Variants in AXL observed in about 807,000 individuals in gnomAD.
The protein encoded by AXL is tyrosine-protein kinase receptor UFO.
A neutral mutation model predicts 104.5 loss-of-function variants in AXL; 52 were observed. The ratio of observed to expected loss-of-function variants is 0.50; its 90% CI spans 0.40 to 0.63. The LOEUF is 0.63. AXL is among the 20% of genes least tolerant of loss of function. AXL has a pLI of 0.00. For missense variants in AXL, 1,024 were observed against 1,188.5 expected, an observed-to-expected ratio of 0.86 and a Z score of 2.04; for synonymous variants, 455 against 473.7, an observed-to-expected ratio of 0.96 and a Z score of 0.51.
rs143071942 is a variant in AXL, at chr19:41,220,762, G to A, written c.212G>A (p.Arg71Gln). 32 of 1,614,006 alleles carry A rather than the reference G, an allele frequency of 2.0e-5. No homozygotes were observed. The highest frequency in any genetic ancestry group is 1.6e-4 in the Middle Eastern group (1 of 6,084). ...QGEPPEVHWLRDGQILELADS... is the reference protein window; with the variant it reads ...QGEPPEVHWLQDGQILELADS... ...GAGCCCCCCGAGGTACATTGGCTTCGGGATGGACAGATCCTGGAGCTCGCG... is the reference window on the plus strand; with the variant it reads ...GAGCCCCCCGAGGTACATTGGCTTCAGGATGGACAGATCCTGGAGCTCGCG... Residue 71 changes from arginine (R) to glutamine (Q), a missense_variant, in exon 2 of 20, where the codon CGG becomes CAG. Physicochemically the swap from Arg to Gln is conservative, Grantham distance 43. Coordinates refer to ENST00000301178, the MANE Select transcript of AXL (RefSeq NM_021913.5).
chr19:41,253,594 C>T lies in AXL; in HGVS notation c.1927-5C>T, dbSNP rs2034402732. 8 of 1,611,298 alleles carry T rather than the reference C, an allele frequency of 5.0e-6. No individual in the cohort carries two copies. In the East Asian group the frequency reaches 1.6e-4, roughly 31 times the overall value. On this transcript the variant is annotated splice_region_variant and splice_polypyrimidine_tract_variant and intron_variant, in intron 16 of 19. Coordinates refer to ENST00000301178, the MANE Select transcript of AXL (RefSeq NM_021913.5). The stretch of plus-strand genomic sequence containing the variant: ...CCTCTCCTCCCACCTGCCTTGGCTC[C>T]CCAGTACCTGCCCACTCAGATGCTA...
At position 41,259,786 on chromosome 19, in the gene AXL, C is replaced by T; in HGVS notation, c.2567C>T (p.Thr856Ile). The change falls in exon 20 of 20, where the codon ACT (threonine) becomes ATT (isoleucine). Residue 856 changes from threonine (T) to isoleucine (I), a missense_variant. Thr to Ile is a moderately conservative substitution (Grantham distance 89). This residue lies in a region of AXL where 523 missense variants were observed against 636.0 expected (regional missense o/e 0.82). Transcript: ENST00000301178. ...CCTAAGGATTCCTGTAGCTGCCTCACTGCGGCTGAGGTCCATCCTGCTGGA... is the reference window on the plus strand; with the variant it reads ...CCTAAGGATTCCTGTAGCTGCCTCATTGCGGCTGAGGTCCATCCTGCTGGA... Reference protein sequence around the residue: ...PDPKDSCSCLTAAEVHPAGRY... With the variant: ...PDPKDSCSCLIAAEVHPAGRY... 1 of 1,614,144 alleles carries T rather than the reference C, an allele frequency of 6.2e-7. No individual in the cohort carries two copies. Among genetic ancestry groups the T allele is most frequent in the South Asian group, 1.1e-5 (1 of 91,078 alleles).
chr19:41,249,229 A>C (rs2034321037), intron 14 of AXL, among the ~76,000 whole-genome samples: 1 of 151,684 alleles, frequency 6.6e-6, no homozygotes, highest in South Asian at 2.1e-4. Context: ...GCTTGAGTCC[A>C]GGAGTTTGAG....
In AXL at chr19:41,244,932, C is replaced by A. The variant is rs562486353; in HGVS notation, c.1537+1225C>A. 2.2e-5 allele frequency among the ~76,000 whole-genome samples: 3 copies of A among 134,260 alleles called. No homozygotes were observed. The East Asian group carries it at 6.5e-4, about 29-fold the overall frequency. 88.1% of individuals were successfully genotyped at this position (134,260 alleles called of 152,430 possible). On this transcript the variant is annotated intron_variant, in intron 12 of 19. Coordinates refer to ENST00000301178, the MANE Select transcript of AXL (RefSeq NM_021913.5). ...AGGTACTTTTGCTCTGAAGTCTATA[C>A]TATTTTTTTTTTTTTTTTGATAGAA...
chr19:41,253,452 G>A, intron 16 of AXL, 147 bp from the exon 17 acceptor site: 1 of 650,508 alleles, frequency 1.5e-6, no homozygotes, highest in Non-Finnish European at 2.8e-6. Flanking sequence ...ATAGGACCTT[G>A]CAGGCCATGG....
intron 18 of AXL, 71 bp downstream of exon 18, chr19:41,256,682 G>C: frequency 6.3e-7 from 1 of 1,580,174 alleles, no homozygotes; most frequent in Non-Finnish European, 8.7e-7. Context: ...CTATGCCTGG[G>C]TGGCTGTGGA....
intron 4 of AXL, among the ~76,000 whole-genome samples, chr19:41,222,814 G>A (rs1245861505): frequency 1.3e-5 from 2 of 151,834 alleles, no homozygotes; most frequent in African/African-American, 4.8e-5. Flanking sequence ...GCTGAGGCAG[G>A]AGAATGGCAG....
At chr19:41,229,268 T>G (rs2033935709) in intron 4 of AXL, among the ~76,000 whole-genome samples, 1 of 151,778 alleles carries the variant, frequency 6.6e-6, no homozygotes, top group African/African-American at 2.4e-5. Context: ...CATTTTATTA[T>G]TTTTAGTTTT....
intron 5 of AXL, 41 bp from the exon 6 acceptor site, chr19:41,231,142 G>T: frequency 6.2e-7 from 1 of 1,609,470 alleles, no homozygotes; most frequent in Non-Finnish European, 8.5e-7. Context: ...GGAGCTTTGA[G>T]CAAAGGCTCC....
intron 4 of AXL, among the ~76,000 whole-genome samples, chr19:41,225,095 C>T (rs992854913): frequency 1.3e-5 from 2 of 152,190 alleles, no homozygotes; most frequent in African/African-American, 2.4e-5. Context: ...CTTCCGCCTC[C>T]GGGGTTCAAG....
Position 41,253,671 on chromosome 19 carries a change from A to G in AXL, c.1999A>G (p.Arg667Gly). The change falls in exon 17 of 20, where the codon AGA becomes GGA. Residue 667 changes from arginine (R) to glycine (G), a missense_variant. Around this residue, in one of 5 missense-constraint regions of AXL, gnomAD observed 523 missense variants for 636.0 expected, o/e 0.82. Coordinates refer to ENST00000301178, the MANE Select transcript of AXL (RefSeq NM_021913.5). Reference sequence around the variant, plus strand: ...TGGCATGGAGTATCTGAGTACCAAGAGATTCATACACCGGGACCTGGCGGC... The same window carrying G: ...TGGCATGGAGTATCTGAGTACCAAGGGATTCATACACCGGGACCTGGCGGC... ...ASGMEYLSTK[R>G]FIHRDLAARN... is the part of the protein sequence containing the mutation. 6.2e-7 allele frequency: 1 copy of G among 1,612,808 alleles called. No individual in the cohort carries two copies. Among genetic ancestry groups the G allele is most frequent in the Non-Finnish European group, 8.5e-7 (1 of 1,179,744 alleles).
intron 6 of AXL, among the ~76,000 whole-genome samples, chr19:41,236,656 A>T (rs1403488819): frequency 5.3e-5 from 8 of 151,906 alleles, no homozygotes. Flanking sequence ...TGGTACGCGT[A>T]GTCCCAGCTA....
intron 12 of AXL, among the ~76,000 whole-genome samples, chr19:41,247,895 T>TTTTTA (rs145835287): frequency 0.014 from 2,086 of 146,002 alleles, 37 homozygotes; most frequent in African/African-American, 0.035. Context: ...AAAAGAAATA[T>TTTTTA]TTTTATTTTA....
Position 41,261,521 on chromosome 19 carries a change from G to T in AXL, c.*1617G>T, listed in dbSNP as rs2034542662. ...TTCAAGGTTCTAACCCTATACTGTA[G>T]TATTCTTTGGGGTGCCCCTCTCCTT... On this transcript the variant is annotated 3_prime_UTR_variant, in exon 20 of 20. Coordinates refer to ENST00000301178, the MANE Select transcript of AXL (RefSeq NM_021913.5). The T allele has an allele frequency of 6.6e-6, 1 of 152,494 alleles. No homozygotes were observed. The highest frequency in any genetic ancestry group is 1.5e-5 in the Non-Finnish European group (1 of 68,102). 9.4% of individuals were successfully genotyped at this position (152,494 alleles called of 1,614,324 possible). A position where few individuals can be genotyped will look rare whatever the true frequency, so the allele number is the denominator to read the frequency against.
At chr19:41,256,362 A>T in intron 17 of AXL, 90 bp from the exon 18 acceptor site, 1 of 1,459,764 alleles carries the variant, frequency 6.9e-7, no homozygotes, top group South Asian at 1.2e-5. Flanking sequence ...CAGTGAGGGG[A>T]GGAGGTGCAG....
At chr19:41,233,012 CAG>C (rs777324577) in intron 6 of AXL, among the ~76,000 whole-genome samples, 5 of 151,562 alleles carry the variant, frequency 3.3e-5, no homozygotes, top group Non-Finnish European at 5.9e-5. Context: ...TTTTTTGAGA[CAG>C]AGTCTCGCTC....
chr19:41,252,285 G>C, intron 14 of AXL, 66 bp from the exon 15 acceptor site: 1 of 1,237,966 alleles, frequency 8.1e-7, no homozygotes, highest in Non-Finnish European at 1.2e-6. Flanking sequence ...TGATGATGGA[G>C]TGGAGGTGGA....
chr19:41,252,452 G>A lies in AXL; in HGVS notation c.1804+9G>A. The A allele has an allele frequency of 6.2e-7, 1 of 1,613,694 alleles. No homozygotes were observed. Among genetic ancestry groups the A allele is most frequent in the Non-Finnish European group, 8.5e-7 (1 of 1,179,662 alleles). On this transcript the variant is annotated intron_variant, in intron 15 of 19. Transcript: ENST00000301178. ...CGTCATGAGGCTCATCGGTGAGAGA[G>A]GGGCAGATTCAAGGGGTCTACAAGC...
chr19:41,224,261 G>A (rs999111821), intron 4 of AXL, among the ~76,000 whole-genome samples: 2 of 152,082 alleles, frequency 1.3e-5, no homozygotes, highest in African/African-American at 2.4e-5. Flanking sequence ...AGGTGGTAGT[G>A]TCAGCCCACA....
Sources: allele counts gnomAD v4.1 joint callset (sites outside exome capture counted in the v4.1 genomes callset), GRCh38; gene constraint gnomAD v4.1.1; regional missense constraint gnomAD v4.1.1; transcripts MANE v1.5; gene names NCBI Gene and HGNC (gene_info 2026-07-23, HGNC 2026-07-21).